Variants in POP1 observed in about 807,000 individuals in gnomAD.
POP1 encodes the protein ribonucleases P/MRP protein subunit POP1.
In POP1, 75 loss-of-function variants were observed where a neutral mutation model predicts 102.2. That is an observed-to-expected ratio of 0.73 (90% CI 0.61 to 0.89). The LOEUF (loss-of-function observed/expected upper bound fraction) is 0.89. Ranked by LOEUF, POP1 falls within the 40% of genes least tolerant of loss-of-function variation. The pLI, the probability that POP1 is intolerant of heterozygous loss-of-function variation, is 0.00. For missense variants in POP1, 1,116 were observed against 1,267.4 expected, an observed-to-expected ratio of 0.88 and a Z score of 1.81; for synonymous variants, 436 against 464.1, an observed-to-expected ratio of 0.94 and a Z score of 0.78.
intron 6 of POP1, 67 bp from the exon 7 acceptor site, chr8:98,134,405 G>A: frequency 1.3e-6 from 2 of 1,500,534 alleles, no homozygotes; most frequent in Non-Finnish European, 1.9e-6. Context: ...TGACAGTGTG[G>A]TTATCAGGAA....
At chr8:98,138,345 C>T (rs535295331) in intron 9 of POP1, among the ~76,000 whole-genome samples, 22 of 152,320 alleles carry the variant, frequency 1.4e-4, no homozygotes, top group Admixed American at 5.2e-4. Context: ...GCCACCCTGA[C>T]CTTCTTTCAG....
At chr8:98,142,713 C>T (rs902936853) in intron 11 of POP1, among the ~76,000 whole-genome samples, 1 of 152,084 alleles carries the variant, frequency 6.6e-6, no homozygotes, top group Non-Finnish European at 1.5e-5. Flanking sequence ...TGATCTTTCC[C>T]TTTAAACACT....
chr8:98,142,310 G>A lies in POP1; in HGVS notation c.1594+1422G>A, dbSNP rs146755611. Reference sequence around the variant, plus strand: ...GAAGTCAAGCAATCCTTCTGCCTCGGCCTCCCAAAGTGCTGGGATTACAGG... The same window carrying A: ...GAAGTCAAGCAATCCTTCTGCCTCGACCTCCCAAAGTGCTGGGATTACAGG... On this transcript the variant is annotated intron_variant, in intron 11 of 15. Transcript: ENST00000401707. Among the ~76,000 whole-genome samples, 1,010 of 152,224 alleles carry A rather than the reference G, an allele frequency of 6.6e-3. 9 individuals carry two copies. Among genetic ancestry groups the A allele is most frequent in the African/African-American group, 0.023 (958 of 41,526 alleles).
chr8:98,118,617 G>C lies in POP1; in HGVS notation c.-3+1227G>C, dbSNP rs534996263. ...ATTTTTGTATTTTCTGTGGAGACGG[G>C]GCTTCTTCATATTGGCCAGGCTGGT... On this transcript the variant is annotated intron_variant, in intron 1 of 15. Transcript: ENST00000401707. 6.6e-5 allele frequency among the ~76,000 whole-genome samples: 10 copies of C among 152,054 alleles called. No individual in the cohort carries two copies. In the East Asian group the frequency reaches 1.7e-3, roughly 26 times the overall value.
At chr8:98,139,591 G>T (rs1816648553) in intron 9 of POP1, among the ~76,000 whole-genome samples, 1 of 152,112 alleles carries the variant, frequency 6.6e-6, no homozygotes, top group East Asian at 1.9e-4. Context: ...GCTGGGCATG[G>T]TGGCATGTGA....
chr8:98,127,908 C>G, intron 3 of POP1, 146 bp downstream of exon 3: 1 of 838,010 alleles, frequency 1.2e-6, no homozygotes, highest in Non-Finnish European at 1.9e-6. Flanking sequence ...CGCCTCTAGC[C>G]TGGACTTTGG....
intron 3 of POP1, 113 bp downstream of exon 3, chr8:98,127,875 C>T (rs1028672229): frequency 3.5e-6 from 4 of 1,144,894 alleles, no homozygotes; most frequent in East Asian, 2.4e-5. Context: ...CTCTCCTCTC[C>T]TCCTCCTACT....
chr8:98,149,158 A>C (rs953367155), intron 13 of POP1, 152 bp downstream of exon 13: 7 of 741,908 alleles, frequency 9.4e-6, no homozygotes, highest in South Asian at 7.1e-5. Flanking sequence ...GATACAAGAT[A>C]CTTCATACAT....
intron 9 of POP1, 38 bp downstream of exon 9, chr8:98,136,992 A>G (rs1427956630): frequency 6.5e-7 from 1 of 1,531,152 alleles, no homozygotes; most frequent in South Asian, 1.1e-5. Context: ...TATTCTAATC[A>G]TGTTTTTCCT....
At chr8:98,123,851 A>G (rs977989959) in intron 2 of POP1, among the ~76,000 whole-genome samples, 3 of 151,868 alleles carry the variant, frequency 2.0e-5, no homozygotes, top group East Asian at 3.9e-4. Flanking sequence ...AGCTCTTTTG[A>G]TAGTCATTAT....
rs1407996917 is a variant in POP1, at chr8:98,159,536, G to C, written c.*1265G>C. 1 of 151,602 alleles carries C rather than the reference G, an allele frequency of 6.6e-6. No homozygotes were observed. Among genetic ancestry groups the C allele is most frequent in the African/African-American group, 2.4e-5 (1 of 40,942 alleles). 9.4% of individuals were successfully genotyped at this position (151,602 alleles called of 1,614,324 possible). Reference sequence around the variant, plus strand: ...CCTTTCCTGCCATAACTTTCTAGAAGAGCTTAATGGGATTTTTTTTCTAAA... The same window carrying C: ...CCTTTCCTGCCATAACTTTCTAGAACAGCTTAATGGGATTTTTTTTCTAAA... On this transcript the variant is annotated 3_prime_UTR_variant, in exon 16 of 16. Transcript: ENST00000401707.
In POP1 at chr8:98,157,991, C is replaced by G. The variant is rs376391621; in HGVS notation, c.2795C>G (p.Ala932Gly). 1.7e-5 allele frequency: 28 copies of G among 1,612,898 alleles called. No homozygotes were observed. Among genetic ancestry groups the G allele is most frequent in the Non-Finnish European group, 2.4e-5 (28 of 1,180,038 alleles). Residue 932 changes from alanine (A) to glycine (G), a missense_variant, in exon 16 of 16, where the codon GCG (alanine) becomes GGG (glycine). Coordinates refer to ENST00000401707, the MANE Select transcript of POP1 (RefSeq NM_001145860.2). ...GGACGTGCCTCTTCTGATGGCCCGGCGGGGGAAGAGCCCGTGGCTGGGCAG... is the reference window on the plus strand; with the variant it reads ...GGACGTGCCTCTTCTGATGGCCCGGGGGGGGAAGAGCCCGTGGCTGGGCAG... ...KPGRASSDGP[A>G]GEEPVAGQEA...
chr8:98,130,937 C>T lies in POP1; in HGVS notation c.735+711C>T, dbSNP rs149853112. Among the ~76,000 whole-genome samples, 648 of 152,292 alleles carry T rather than the reference C, an allele frequency of 4.3e-3. 3 individuals carry two copies. Among genetic ancestry groups the T allele is most frequent in the Non-Finnish European group, 6.9e-3 (470 of 68,014 alleles). On this transcript the variant is annotated intron_variant, in intron 5 of 15. Coordinates refer to ENST00000401707, the MANE Select transcript of POP1 (RefSeq NM_001145860.2). ...CTCCTCTCAGAAGCTAATTCAGTTG[C>T]TTTCTATTTCTTCCAATACATACTT...
Position 98,136,689 on chromosome 8 carries a change from C to A in POP1, c.1219C>A (p.Pro407Thr), listed in dbSNP as rs1447184003. Residue 407 changes from proline (P) to threonine (T), a missense_variant, in exon 8 of 16, where the codon CCA becomes ACA. Transcript: ENST00000401707. ...AATTATCGGTGATGGAACTAGAGAT[C>A]CATGTCTACCATACTCTTGGATCTC... ...KKIIGDGTRDPCLPYSWISPT... is the reference protein window; with the variant it reads ...KKIIGDGTRDTCLPYSWISPT... The A allele has an allele frequency of 1.2e-6, 2 of 1,613,292 alleles. No individual in the cohort carries two copies. Among genetic ancestry groups the A allele is most frequent in the African/African-American group, 2.7e-5 (2 of 74,904 alleles).
At position 98,123,893 on chromosome 8, in the gene POP1, A is replaced by T. The variant is rs1178832135; in HGVS notation, c.142+414A>T. On this transcript the variant is annotated intron_variant, in intron 2 of 15. Coordinates refer to ENST00000401707, the MANE Select transcript of POP1 (RefSeq NM_001145860.2). ...AGTAAATGAGCTGAATTAAAAACAG[A>T]TACAGTAGACCCTTATTATTTTTGA... Among the ~76,000 whole-genome samples the T allele has an allele frequency of 3.3e-5, 5 of 152,324 alleles. 1 individual carries two copies. In the Middle Eastern group the frequency reaches 0.014, roughly 414 times the overall value.
At chr8:98,132,600 C>T (rs1816408960) in intron 5 of POP1, among the ~76,000 whole-genome samples, 1 of 152,278 alleles carries the variant, frequency 6.6e-6, no homozygotes. Flanking sequence ...GATTAGAATG[C>T]TGGCTTCTCC....
intron 3 of POP1, 118 bp downstream of exon 3, chr8:98,127,880 C>A: frequency 9.1e-7 from 1 of 1,103,816 alleles, no homozygotes; most frequent in South Asian, 1.3e-5. Flanking sequence ...CTCTCCTCCT[C>A]CTACTTTAGA....
At chr8:98,151,830 C>T (rs982481382) in intron 14 of POP1, among the ~76,000 whole-genome samples, 2 of 151,068 alleles carry the variant, frequency 1.3e-5, no homozygotes, top group African/African-American at 4.9e-5. Flanking sequence ...ACAGCCTCCA[C>T]CTCCCGGACC....
At chr8:98,157,311 T>C (rs1303823184) in intron 15 of POP1, among the ~76,000 whole-genome samples, 3 of 152,324 alleles carry the variant, frequency 2.0e-5, no homozygotes, top group Middle Eastern at 3.4e-3. Flanking sequence ...CTCATTGAAA[T>C]CTTAGTGGCT....
Sources: allele counts gnomAD v4.1 joint callset (sites outside exome capture counted in the v4.1 genomes callset), GRCh38; gene constraint gnomAD v4.1.1; transcripts MANE v1.5; gene names NCBI Gene and HGNC (gene_info 2026-07-23, HGNC 2026-07-21).